ZBED6: variants seen among roughly 807,000 people sequenced by gnomAD.
ZBED6 encodes zinc finger BED-type containing 6, also known as zinc finger BED domain-containing protein 6.
Under a neutral mutation model 58.4 loss-of-function variants are expected in ZBED6, and 40 were observed. The observed-to-expected ratio is 0.68, with a 90% confidence interval of 0.53 to 0.89. The LOEUF (loss-of-function observed/expected upper bound fraction) is 0.89. ZBED6 is among the 40% of genes least tolerant of loss of function. The pLI, the probability that ZBED6 is intolerant of heterozygous loss-of-function variation, is 0.00. For missense variants in ZBED6, 1,057 were observed against 1,003.9 expected, an observed-to-expected ratio of 1.05 and a Z score of -0.71; for synonymous variants, 439 against 350.6, an observed-to-expected ratio of 1.25 and a Z score of -2.82.
At chr1:203,830,925 A>ATTTTTTTTT (rs774771270) in intron 7 of ZBED6, among the ~76,000 whole-genome samples, 5 of 51,386 alleles carry the variant, frequency 9.7e-5, no homozygotes, top group Non-Finnish European at 7.4e-5. Context: ...CCAACCCCCA[A>ATTTTTTTTT]TTTTTTTTTT....
At chr1:203,818,795 T>G (rs1014118590) in intron 3 of ZBED6, 106 bp downstream of exon 3, 3 of 1,528,906 alleles carry the variant, frequency 2.0e-6, no homozygotes, top group Non-Finnish European at 2.7e-6. Flanking sequence ...TAAGGCTGAG[T>G]GCAGTGGCTC....
Position 203,817,142 on chromosome 1 carries a change from T to C in ZBED6, c.*2753+18T>C, listed in dbSNP as rs754192746. The C allele has an allele frequency of 4.4e-6, 7 of 1,587,100 alleles. No homozygotes were observed. In the East Asian group the frequency reaches 1.6e-4, roughly 36 times the overall value. ...GTACCAAAGTAAGAATTGACATCTT[T>C]AAATCAGTTCTTTCTACAATTTGCT... On this transcript the variant is annotated intron_variant, in intron 2 of 16. Coordinates refer to ENST00000550078, the Ensembl canonical transcript of ZBED6.
intron 1 of ZBED6, among the ~76,000 whole-genome samples, chr1:203,806,793 C>A (rs979600947): frequency 6.9e-6 from 1 of 145,762 alleles, no homozygotes; most frequent in African/African-American, 2.5e-5. Context: ...TTACAATTTA[C>A]CAAGTTTTTG....
intron 14 of ZBED6, 178 bp from the exon 15 acceptor site, chr1:203,850,337 C>T (rs1572379699): frequency 2.3e-6 from 2 of 875,206 alleles, no homozygotes; most frequent in East Asian, 2.5e-5. Context: ...ACATGGTGAC[C>T]ACCTGTAGTG....
intron 1 of ZBED6, among the ~76,000 whole-genome samples, chr1:203,805,047 C>T (rs890535156): frequency 6.6e-6 from 1 of 151,792 alleles, no homozygotes. Context: ...AATAAATGTC[C>T]TATTCATCAA....
intron 3 of ZBED6, among the ~76,000 whole-genome samples, chr1:203,823,263 G>A (rs1186364229): frequency 6.6e-6 from 1 of 152,174 alleles, no homozygotes; most frequent in Non-Finnish European, 1.5e-5. Context: ...GACACTGGAG[G>A]AATCTGGAAG....
Position 203,799,625 on chromosome 1 carries a change from AGT to A in ZBED6, c.2105_2106del (p.Val702GlufsTer42). The A allele has an allele frequency of 1.4e-6, 1 of 703,268 alleles. No individual in the cohort carries two copies. 43.6% of individuals were successfully genotyped at this position (703,268 alleles called of 1,614,324 possible). ...AGCCATTTGAGGAGGCTACCCAGAAAGTGAGCGTGAAGACCGCAGGATTGAAT... is the reference window on the plus strand; with the variant it reads ...AGCCATTTGAGGAGGCTACCCAGAAAGAGCGTGAAGACCGCAGGATTGAAT... On this transcript the variant is annotated frameshift_variant, in exon 1 of 17. Coordinates refer to ENST00000550078, the Ensembl canonical transcript of ZBED6. LOFTEE classifies it high-confidence loss of function.
chr1:203,830,254 A>C (rs563299897), intron 7 of ZBED6, 51 bp downstream of exon 7: 6 of 1,417,760 alleles, frequency 4.2e-6, no homozygotes, highest in Non-Finnish European at 5.8e-6. Context: ...AGGGAAGAAT[A>C]CTAAGGACGC....
chr1:203,806,830 CT>C (rs373591619), intron 1 of ZBED6, among the ~76,000 whole-genome samples: 11 of 117,850 alleles, frequency 9.3e-5, no homozygotes, highest in South Asian at 2.8e-4. Context: ...CCTCAGGTTC[CT>C]TTTTTTTTTT....
chr1:203,852,546 C>T (rs1689538305), exon 17 of ZBED6: 2 of 835,572 alleles, frequency 2.4e-6, no homozygotes, highest in South Asian at 3.7e-5. Context: ...CTGTATGTGT[C>T]CTGGATTCCT....
chr1:203,818,584 A>G (rs1408958148), exon 3 of ZBED6: 3 of 1,614,006 alleles, frequency 1.9e-6, no homozygotes, highest in East Asian at 2.2e-5. Context: ...ACAGCTGCCC[A>G]TTCCGTCACT....
At chr1:203,796,056 G>A (rs1239491403) in exon 1 of ZBED6, 1 of 24,608 alleles carries the variant, frequency 4.1e-5, no homozygotes, top group East Asian at 1.1e-3. Flanking sequence ...CCACCCCCAC[G>A]GCGCCTGCTC....
chr1:203,809,369 GT>G lies in ZBED6; in HGVS notation c.*2554+6356del, dbSNP rs1209645853. 2.6e-5 allele frequency among the ~76,000 whole-genome samples: 4 copies of G among 151,050 alleles called. No individual in the cohort carries two copies. The East Asian group carries it at 7.9e-4, about 30-fold the overall frequency. ...TTTTTATATTTTTAGTAGAGGCGGT[GT>G]TTCACCATATTGGCCAGGCTGGTCT... is the stretch of plus-strand genomic sequence containing the variant. On this transcript the variant is annotated intron_variant, in intron 1 of 16. Transcript: ENST00000550078.
chr1:203,803,481 G>A lies in ZBED6; in HGVS notation c.*2554+465G>A, dbSNP rs575705449. On this transcript the variant is annotated intron_variant, in intron 1 of 16. Coordinates refer to ENST00000550078, the Ensembl canonical transcript of ZBED6. ...GCTGGGATTACAGGCATGAGCCACCGCCTCTGGCCCATAGTTTTTCTTTCT... is the reference window on the plus strand; with the variant it reads ...GCTGGGATTACAGGCATGAGCCACCACCTCTGGCCCATAGTTTTTCTTTCT... 5.8e-4 allele frequency among the ~76,000 whole-genome samples: 89 copies of A among 152,220 alleles called. 1 individual carries two copies. The highest frequency in any genetic ancestry group is 2.0e-3 in the African/African-American group (84 of 41,530).
chr1:203,814,381 A>G (rs142027926), intron 1 of ZBED6, among the ~76,000 whole-genome samples: 85 of 152,242 alleles, frequency 5.6e-4, no homozygotes, highest in African/African-American at 1.9e-3. Flanking sequence ...AAAATTAGCC[A>G]TATGTGGTGG....
At position 203,798,645 on chromosome 1, in the gene ZBED6, G is replaced by T. The variant is rs763814434; in HGVS notation, c.1123G>T (p.Val375Phe). The change falls in exon 1 of 17, where the codon GTT (valine) becomes TTT (phenylalanine). Residue 375 changes from valine (V) to phenylalanine (F), a missense_variant. Val to Phe is a conservative substitution (Grantham distance 50, BLOSUM62 -1). Coordinates refer to ENST00000550078, the Ensembl canonical transcript of ZBED6. ...TGATTCAGATGAACCTATGTTAGAG[G>T]TTGAAAACAGATCTGAAAGTCCTAT... 3.3e-6 allele frequency: 5 copies of T among 1,536,044 alleles called. No homozygotes were observed. The South Asian group carries it at 4.8e-5, about 15-fold the overall frequency.
chr1:203,843,427 C>G (rs1373950772), intron 11 of ZBED6, among the ~76,000 whole-genome samples: 1 of 152,152 alleles, frequency 6.6e-6, no homozygotes, highest in Admixed American at 6.5e-5. Context: ...GGACATATGC[C>G]TGCATGTCTC....
chr1:203,834,203 A>G (rs1683433092), intron 9 of ZBED6: 1 of 456,832 alleles, frequency 2.2e-6, no homozygotes, highest in African/African-American at 2.1e-5. Context: ...GAATACAGGA[A>G]TCCCTAAGAA....
chr1:203,807,861 C>T (rs773871110), intron 1 of ZBED6, among the ~76,000 whole-genome samples: 1 of 152,024 alleles, frequency 6.6e-6, no homozygotes, highest in Non-Finnish European at 1.5e-5. Context: ...TCTGCCTCAG[C>T]GTCCCAAGTA....
Sources: gnomAD v4.1 joint callset for allele counts (sites outside exome capture counted in the v4.1 genomes callset) on GRCh38, gnomAD v4.1.1 for gene constraint, MANE v1.5 for transcripts, NCBI Gene and HGNC (gene_info 2026-07-23, HGNC 2026-07-21) for gene names.